The following CAMTA1 variants were observed in gnomAD, a reference collection of about 807,000 sequenced individuals.
CAMTA1 encodes the protein calmodulin-binding transcription activator 1.
Under a neutral mutation model 170.9 loss-of-function variants are expected in CAMTA1, and 27 were observed. That is an observed-to-expected ratio of 0.16 (90% CI 0.12 to 0.22). CAMTA1 has a LOEUF of 0.22. Among genes scored for constraint, CAMTA1 ranks in the 10% least tolerant of loss-of-function variants. The probability of loss-of-function intolerance (pLI) is 1.00; values close to 1 mark genes in which losing one functional copy is unlikely to be tolerated. For missense variants in CAMTA1, 1,619 were observed against 2,217.2 expected (o/e 0.73, Z 5.42); for synonymous variants, 833 against 891.5 (o/e 0.93, Z 1.17).
intron 10 of CAMTA1, chr1:7,672,100 G>T (rs755984219): frequency 4.4e-6 from 2 of 455,846 alleles, no homozygotes; most frequent in South Asian, 3.1e-5. Context: ...ATAAACAGGA[G>T]GGGGGTAAGG....
chr1:7,557,491 G>A (rs1053886016), intron 6 of CAMTA1, among the ~76,000 whole-genome samples: 24 of 152,180 alleles, frequency 1.6e-4, no homozygotes, highest in African/African-American at 3.4e-4. Context: ...TCTAGGATCC[G>A]GTATGTTTCA....
intron 10 of CAMTA1, among the ~76,000 whole-genome samples, chr1:7,677,220 G>A (rs71637393): frequency 0.045 from 6,859 of 152,260 alleles, 235 homozygotes; most frequent in Non-Finnish European, 0.071. Context: ...TTGTACCCGA[G>A]CCCCACCCAG....
intron 5 of CAMTA1, among the ~76,000 whole-genome samples, chr1:7,284,192 A>C (rs373885227): frequency 0.046 from 5,787 of 126,182 alleles, 132 homozygotes; most frequent in East Asian, 0.1. Context: ...TATTATTATT[A>C]TTATTATTAT....
chr1:7,345,661 A>G (rs2149840205), intron 5 of CAMTA1, among the ~76,000 whole-genome samples: 1 of 152,276 alleles, frequency 6.6e-6, no homozygotes, highest in South Asian at 2.1e-4. Context: ...CTCATGCCAG[A>G]GTTTGAGTGC....
intron 16 of CAMTA1, among the ~76,000 whole-genome samples, chr1:7,743,842 T>C (rs1175035076): frequency 6.6e-6 from 1 of 151,620 alleles, no homozygotes; most frequent in Non-Finnish European, 1.5e-5. Flanking sequence ...CTTTTTTTTT[T>C]CTGAGACGGA....
At chr1:7,613,459 C>A (rs1318353599) in intron 6 of CAMTA1, among the ~76,000 whole-genome samples, 1 of 152,098 alleles carries the variant, frequency 6.6e-6, no homozygotes, top group Non-Finnish European at 1.5e-5. Flanking sequence ...GGGTTTTGGA[C>A]AATCCCTGGA....
At chr1:6,875,188 C>A (rs1036614277) in intron 3 of CAMTA1, among the ~76,000 whole-genome samples, 1 of 152,210 alleles carries the variant, frequency 6.6e-6, no homozygotes, top group Admixed American at 6.5e-5. Flanking sequence ...TGCTGCCTTG[C>A]ATTGAGCTGC....
intron 3 of CAMTA1, among the ~76,000 whole-genome samples, chr1:6,896,563 C>T (rs575439252): frequency 1.3e-5 from 2 of 152,260 alleles, no homozygotes; most frequent in South Asian, 4.1e-4. Context: ...AGCCACTTTT[C>T]GTTTCATTAG....
chr1:7,433,046 C>T (rs182257207), intron 5 of CAMTA1, among the ~76,000 whole-genome samples: 25 of 152,356 alleles, frequency 1.6e-4, no homozygotes, highest in African/African-American at 6.0e-4. Flanking sequence ...CCTCTGACCA[C>T]CGGGTATGCC....
At chr1:7,260,948 A>G (rs1391570275) in intron 5 of CAMTA1, among the ~76,000 whole-genome samples, 4 of 152,218 alleles carry the variant, frequency 2.6e-5, no homozygotes, top group Non-Finnish European at 2.9e-5. Context: ...TAAAGATTCT[A>G]GGTGGCATGT....
At chr1:7,158,657 C>T (rs187286425) in intron 4 of CAMTA1, among the ~76,000 whole-genome samples, 5 of 152,156 alleles carry the variant, frequency 3.3e-5, no homozygotes, top group East Asian at 3.9e-4. Context: ...TGGATAGTTA[C>T]GAGATAGAGC....
rs1644448079 is a variant in CAMTA1, at chr1:7,118,240, G to A, written c.302+26869G>A. The stretch of plus-strand genomic sequence containing the variant: ...GCCTGATGGAGGGACTCTAGAGTTG[G>A]GAGTACAGGAGTGGCAGGGGTCAGA... On this transcript the variant is annotated intron_variant, in intron 4 of 22. Transcript: ENST00000303635. Among the ~76,000 whole-genome samples, 2 of 151,872 alleles carry A rather than the reference G, an allele frequency of 1.3e-5. 1 individual carries two copies. The highest frequency in any genetic ancestry group is 2.9e-5 in the Non-Finnish European group (2 of 67,994).
At chr1:7,126,141 G>A (rs1420062991) in intron 4 of CAMTA1, among the ~76,000 whole-genome samples, 1 of 152,110 alleles carries the variant, frequency 6.6e-6, no homozygotes, top group Admixed American at 6.6e-5. Flanking sequence ...TATGGGGGAA[G>A]CTGCCCCCAT....
chr1:7,222,925 A>C (rs1271576448), intron 4 of CAMTA1, among the ~76,000 whole-genome samples: 3 of 152,262 alleles, frequency 2.0e-5, no homozygotes, highest in East Asian at 3.8e-4. Flanking sequence ...GGTGATGCTC[A>C]TGAGGTGCCC....
At chr1:7,257,086 G>GC (rs1051792070) in intron 5 of CAMTA1, among the ~76,000 whole-genome samples, 3 of 151,276 alleles carry the variant, frequency 2.0e-5, no homozygotes, top group Non-Finnish European at 3.0e-5. Flanking sequence ...CGGGGGCGGG[G>GC]GTTGGTTTTC....
At chr1:7,762,843 A>G (rs2096985820) in intron 22 of CAMTA1, among the ~76,000 whole-genome samples, 1 of 152,258 alleles carries the variant, frequency 6.6e-6, no homozygotes, top group Non-Finnish European at 1.5e-5. Flanking sequence ...AATAAAATCA[A>G]TATAGTGTCT....
intron 4 of CAMTA1, among the ~76,000 whole-genome samples, chr1:7,098,125 G>T (rs1398360329): frequency 6.6e-6 from 1 of 151,634 alleles, no homozygotes; most frequent in Non-Finnish European, 1.5e-5. Flanking sequence ...GTGTGTGCAC[G>T]TGCGCGTGCG....
intron 3 of CAMTA1, among the ~76,000 whole-genome samples, chr1:7,048,382 C>T (rs1272621001): frequency 6.6e-6 from 1 of 152,028 alleles, no homozygotes; most frequent in African/African-American, 2.4e-5. Flanking sequence ...TAGAGAGTCA[C>T]AGTGGGAGCC....
rs894877614 is a variant in CAMTA1, at chr1:7,146,848, CACAA to C, written c.302+55481_302+55484del. 2.0e-5 allele frequency among the ~76,000 whole-genome samples: 3 copies of C among 151,830 alleles called. No individual in the cohort carries two copies. The highest frequency in any genetic ancestry group is 7.3e-5 in the African/African-American group (3 of 41,256). On this transcript the variant is annotated intron_variant, in intron 4 of 22. Coordinates refer to ENST00000303635, the MANE Select transcript of CAMTA1 (RefSeq NM_015215.4). The surrounding 1 kb of genome is among the most constrained non-coding windows in gnomAD (Gnocchi z 4.3). ...ACCACACACACATATACCATGCACA[CACAA>C]ACACAAAGACACAACATGTACACAG...
Sources: gnomAD v4.1 joint callset for allele counts (sites outside exome capture counted in the v4.1 genomes callset) on GRCh38, gnomAD v4.1.1 for gene constraint, Gnocchi (gnomAD v3.1) non-coding constraint, MANE v1.5 for transcripts, NCBI Gene and HGNC (gene_info 2026-07-23, HGNC 2026-07-21) for gene names.